CDH8: variants seen among roughly 807,000 people sequenced by gnomAD.
CDH8 encodes cadherin 8.
A neutral mutation model predicts 68.1 loss-of-function variants in CDH8; 17 were observed. That is an observed-to-expected ratio of 0.25 (90% CI 0.17 to 0.37). The LOEUF is 0.37. Ranked by LOEUF, CDH8 falls within the 10% of genes least tolerant of loss-of-function variation. The pLI is 1.00. For missense variants in CDH8, 763 were observed against 999.3 expected, an observed-to-expected ratio of 0.76 and a Z score of 3.19; for synonymous variants, 372 against 365.1, an observed-to-expected ratio of 1.02 and a Z score of -0.21.
At chr16:61,894,524 A>C (rs2143215601) in intron 3 of CDH8, among the ~76,000 whole-genome samples, 1 of 152,302 alleles carries the variant, frequency 6.6e-6, no homozygotes, top group African/African-American at 2.4e-5. Flanking sequence ...AGACTTACTT[A>C]GGAGATGGGT....
Position 61,827,474 on chromosome 16 carries a change from T to C in CDH8, c.668-2295A>G, listed in dbSNP as rs182441229. On this transcript the variant is annotated intron_variant, in intron 4 of 11. Coordinates refer to ENST00000577390, the MANE Select transcript of CDH8 (RefSeq NM_001796.5). ...ACTTCTCTGAGTCAAAAAAGATTGGTATGTATTATTCTCATCATTTCTTTT... is the reference window on the plus strand; with the variant it reads ...ACTTCTCTGAGTCAAAAAAGATTGGCATGTATTATTCTCATCATTTCTTTT... 4.5e-3 allele frequency among the ~76,000 whole-genome samples: 677 copies of C among 152,064 alleles called. 4 individuals carry two copies. Among genetic ancestry groups the C allele is most frequent in the Admixed American group, 7.5e-3 (114 of 15,242 alleles).
At chr16:62,025,850 A>G (rs1469935940) in intron 1 of CDH8, among the ~76,000 whole-genome samples, 1 of 151,158 alleles carries the variant, frequency 6.6e-6, no homozygotes, top group African/African-American at 2.4e-5. Flanking sequence ...ATATATACAT[A>G]TAGATTCATA....
intron 2 of CDH8, among the ~76,000 whole-genome samples, chr16:61,971,099 C>T (rs189341083): frequency 5.3e-5 from 8 of 152,122 alleles, no homozygotes; most frequent in African/African-American, 1.7e-4. Flanking sequence ...CCACCCTGCC[C>T]GCAAAACATT....
At chr16:61,819,687 T>C (rs1962165515) in intron 6 of CDH8, among the ~76,000 whole-genome samples, 1 of 152,032 alleles carries the variant, frequency 6.6e-6, no homozygotes, top group African/African-American at 2.4e-5. Context: ...ATCTCTTCAG[T>C]GGGGGCGATT....
At chr16:61,693,090 A>C (rs971164308) in intron 10 of CDH8, 7 of 152,222 alleles carry the variant, frequency 4.6e-5, no homozygotes, top group African/African-American at 1.7e-4. Flanking sequence ...TAATGTGCAG[A>C]GACAGAGAGC....
At chr16:61,860,633 GA>G (rs765139690) in intron 3 of CDH8, among the ~76,000 whole-genome samples, 153 of 146,244 alleles carry the variant, frequency 1.0e-3, no homozygotes, top group African/African-American at 3.2e-3. Flanking sequence ...CACATTATCA[GA>G]AAAAAAAAAT....
intron 8 of CDH8, among the ~76,000 whole-genome samples, chr16:61,788,012 G>A (rs1321218416): frequency 1.3e-5 from 2 of 149,430 alleles, no homozygotes; most frequent in Admixed American, 6.7e-5. Context: ...TGGGTGTAGC[G>A]CACCAGCATG....
intron 2 of CDH8, among the ~76,000 whole-genome samples, chr16:61,986,860 T>G (rs1965637946): frequency 6.6e-6 from 1 of 152,208 alleles, no homozygotes; most frequent in African/African-American, 2.4e-5. Flanking sequence ...TGGCATACTA[T>G]GAATTTCTCT....
chr16:61,759,110 A>G (rs1409865827), intron 8 of CDH8, among the ~76,000 whole-genome samples: 1 of 152,210 alleles, frequency 6.6e-6, no homozygotes, highest in Non-Finnish European at 1.5e-5. Flanking sequence ...CAAAGTCAAG[A>G]AGAGCTCACC....
At chr16:61,955,459 C>T (rs1464137202) in intron 2 of CDH8, among the ~76,000 whole-genome samples, 3 of 152,166 alleles carry the variant, frequency 2.0e-5, no homozygotes, top group Non-Finnish European at 4.4e-5. Flanking sequence ...TACATGGCTG[C>T]AGAGGAGTCT....
intron 7 of CDH8, among the ~76,000 whole-genome samples, chr16:61,796,533 T>C (rs995399253): frequency 1.3e-5 from 2 of 152,042 alleles, no homozygotes; most frequent in African/African-American, 2.4e-5. Context: ...GTTTTAGAAA[T>C]AGACAGTCTC....
chr16:61,989,228 AT>A (rs1965676469), intron 2 of CDH8, among the ~76,000 whole-genome samples: 1 of 152,226 alleles, frequency 6.6e-6, no homozygotes, highest in South Asian at 2.1e-4. Flanking sequence ...ACAAATTTGT[AT>A]TCTTTGGCAA....
chr16:61,960,294 CGTGTGTGTGTATACACACATATATACGT>C (rs1965116096), intron 2 of CDH8, among the ~76,000 whole-genome samples: 4 of 90,336 alleles, frequency 4.4e-5, no homozygotes, highest in African/African-American at 2.4e-4. Context: ...CACATATATA[CGTGTGTGTGTATACACACATATATACGT>C]GTGTGTGTAT....
At position 61,648,458 on chromosome 16, in the gene CDH8, C is replaced by T. The variant is rs1018318614; in HGVS notation, c.*5150G>A. ...CATATGGGGTCCCTTACTTCCTCCT[C>T]AGTACTTCCATAGCACTATATATAA... On this transcript the variant is annotated 3_prime_UTR_variant, in exon 12 of 12. Transcript: ENST00000577390. 2.6e-5 allele frequency: 4 copies of T among 152,092 alleles called. No individual in the cohort carries two copies. The highest frequency in any genetic ancestry group is 9.7e-5 in the African/African-American group (4 of 41,418). 9.4% of individuals were successfully genotyped at this position (152,092 alleles called of 1,614,324 possible).
intron 3 of CDH8, among the ~76,000 whole-genome samples, chr16:61,893,231 G>A (rs1338185481): frequency 6.6e-6 from 1 of 152,068 alleles, no homozygotes; most frequent in Non-Finnish European, 1.5e-5. Flanking sequence ...TCTTTCCACA[G>A]CCTTTTTAGA....
chr16:61,783,397 A>G (rs1567468957), intron 8 of CDH8, among the ~76,000 whole-genome samples: 1 of 149,690 alleles, frequency 6.7e-6, no homozygotes, highest in Non-Finnish European at 1.5e-5. Context: ...AAAAAGAATA[A>G]AAAGAAATGA....
chr16:61,748,731 C>T (rs946744817), intron 8 of CDH8, among the ~76,000 whole-genome samples: 4 of 152,086 alleles, frequency 2.6e-5, no homozygotes, highest in Admixed American at 6.6e-5. Flanking sequence ...TTTTCTTCTC[C>T]CAATGACCAA....
intron 10 of CDH8, among the ~76,000 whole-genome samples, chr16:61,691,065 C>T (rs980258970): frequency 1.9e-4 from 29 of 152,194 alleles, no homozygotes; most frequent in East Asian, 1.9e-4. Flanking sequence ...CCATTATCTT[C>T]GAAAAGGCCT....
intron 10 of CDH8, among the ~76,000 whole-genome samples, chr16:61,703,484 G>A (rs896054597): frequency 1.2e-4 from 19 of 152,152 alleles, no homozygotes; most frequent in African/African-American, 4.6e-4. Context: ...CACAATATAT[G>A]TTTCAAAACA....
Sources: allele counts gnomAD v4.1 joint callset (sites outside exome capture counted in the v4.1 genomes callset), GRCh38; gene constraint gnomAD v4.1.1; transcripts MANE v1.5; gene names NCBI Gene and HGNC (gene_info 2026-07-23, HGNC 2026-07-21).